Variants in MARCHF1 observed in about 807,000 individuals in gnomAD.
MARCHF1 encodes the protein E3 ubiquitin-protein ligase MARCHF1.
In MARCHF1, 40 loss-of-function variants were observed where a neutral mutation model predicts 54.2. That is an observed-to-expected ratio of 0.74 (90% CI 0.57 to 0.96). MARCHF1 has a LOEUF of 0.96. MARCHF1 is among the 40% of genes least tolerant of loss of function. MARCHF1 has a pLI of 0.00. For synonymous variants in MARCHF1, 236 were observed against 236.3 expected, an observed-to-expected ratio of 1.00 and a Z score of 0.01; for missense variants, 586 against 656.5, an observed-to-expected ratio of 0.89 and a Z score of 1.17.
chr4:163,707,786 TAAAAAAAAA>T (rs777522371), intron 4 of MARCHF1, among the ~76,000 whole-genome samples: 1 of 65,890 alleles, frequency 1.5e-5, no homozygotes, highest in Non-Finnish European at 3.5e-5. Context: ...TGTTTTGAAC[TAAAAAAAAA>T]AAAAAAAAAA....
At chr4:163,939,818 T>C (rs1230031598) in intron 3 of MARCHF1, among the ~76,000 whole-genome samples, 1 of 152,152 alleles carries the variant, frequency 6.6e-6, no homozygotes, top group African/African-American at 2.4e-5. Flanking sequence ...CATGCCGAAC[T>C]ATTAATCCTA....
intron 1 of MARCHF1, among the ~76,000 whole-genome samples, chr4:164,207,011 G>T (rs1172448663): frequency 6.6e-6 from 1 of 152,164 alleles, no homozygotes; most frequent in Middle Eastern, 3.4e-3. Flanking sequence ...AGTAACAGGG[G>T]ATATTGACTG....
chr4:163,612,806 A>C lies in MARCHF1; in HGVS notation c.475T>G (p.Ser159Ala), dbSNP rs1189972307. ...TCATCTGTGGAAGATGAATCTGAAGAATCTGTGTAAAGCTCCCTCCACCTG... is the reference window on the plus strand; with the variant it reads ...TCATCTGTGGAAGATGAATCTGAAGCATCTGTGTAAAGCTCCCTCCACCTG... Reference protein sequence around the residue: ...SPRWRELYTDSSDSSSTDESH... With the variant: ...SPRWRELYTDASDSSSTDESH... The change falls in exon 7 of 10, where the codon TCT becomes GCT. Residue 159 changes from serine to alanine, a missense_variant. Ser to Ala is a moderately conservative substitution (Grantham distance 99, BLOSUM62 1). This residue lies in a region of MARCHF1 where 387 missense variants were observed against 394.6 expected (regional missense o/e 0.98). Coordinates refer to ENST00000514618, the MANE Select transcript of MARCHF1 (RefSeq NM_001394959.1). 1 of 1,535,246 alleles carries C rather than the reference A, an allele frequency of 6.5e-7. No individual in the cohort carries two copies. Among genetic ancestry groups the C allele is most frequent in the African/African-American group, 1.4e-5 (1 of 73,026 alleles).
At chr4:163,929,973 A>ATATATATTATATATAT in intron 3 of MARCHF1, among the ~76,000 whole-genome samples, 2 of 125,380 alleles carry the variant, frequency 1.6e-5, no homozygotes, top group Non-Finnish European at 3.2e-5. Flanking sequence ...AATATATATA[A>ATATATATTATATATAT]TATATATAAT....
At chr4:163,826,732 A>G (rs1748857957) in intron 4 of MARCHF1, among the ~76,000 whole-genome samples, 1 of 152,056 alleles carries the variant, frequency 6.6e-6, no homozygotes, top group Admixed American at 6.6e-5. Flanking sequence ...ACAGAATAAT[A>G]AGAGAGGACT....
chr4:163,980,215 T>G (rs1178095692), intron 3 of MARCHF1, among the ~76,000 whole-genome samples: 1 of 138,878 alleles, frequency 7.2e-6, no homozygotes, highest in Non-Finnish European at 1.5e-5. Flanking sequence ...TAACGCCGCA[T>G]ACCTACAACT....
intron 5 of MARCHF1, among the ~76,000 whole-genome samples, chr4:163,687,624 G>A (rs1348513730): frequency 6.6e-6 from 1 of 152,164 alleles, no homozygotes; most frequent in African/African-American, 2.4e-5. Context: ...GAGCCATTAA[G>A]TCTGTGAATT....
intron 4 of MARCHF1, among the ~76,000 whole-genome samples, chr4:163,746,637 C>A (rs932487342): frequency 2.0e-5 from 3 of 152,156 alleles, no homozygotes; most frequent in African/African-American, 7.2e-5. Context: ...GTATCCTGTT[C>A]GCACACTCTG....
At chr4:163,666,307 T>C (rs1561007299) in intron 5 of MARCHF1, among the ~76,000 whole-genome samples, 2 of 152,120 alleles carry the variant, frequency 1.3e-5, no homozygotes, top group African/African-American at 4.8e-5. Flanking sequence ...ATGAGCTTCA[T>C]CTTGTAGGTG....
chr4:163,626,689 G>A (rs947309034), intron 5 of MARCHF1, among the ~76,000 whole-genome samples: 9 of 152,158 alleles, frequency 5.9e-5, no homozygotes, highest in Non-Finnish European at 8.8e-5. Context: ...AGCATTTTGG[G>A]AGGCCGAGGC....
chr4:163,527,461 C>CTATT lies in MARCHF1; in HGVS notation c.*1283_*1286dup, dbSNP rs1361284153. The CTATT allele has an allele frequency of 6.6e-6, 1 of 151,972 alleles. No individual in the cohort carries two copies. Among genetic ancestry groups the CTATT allele is most frequent in the Non-Finnish European group, 1.5e-5 (1 of 67,926 alleles). 9.4% of individuals were successfully genotyped at this position (151,972 alleles called of 1,614,324 possible). On this transcript the variant is annotated 3_prime_UTR_variant, in exon 10 of 10. Coordinates refer to ENST00000514618, the MANE Select transcript of MARCHF1 (RefSeq NM_001394959.1). ...AACAAAAATAGGTAATTTTATTCCC[C>CTATT]TATTGTAAGTACTTCATAGTAACAA... is the stretch of plus-strand genomic sequence containing the variant.
At chr4:163,740,248 A>G (rs2111354783) in intron 4 of MARCHF1, among the ~76,000 whole-genome samples, 1 of 152,300 alleles carries the variant, frequency 6.6e-6, no homozygotes, top group East Asian at 1.9e-4. Context: ...AGTGTAGGAC[A>G]CATGCTATTC....
intron 1 of MARCHF1, among the ~76,000 whole-genome samples, chr4:164,154,126 C>T (rs901877283): frequency 2.6e-5 from 4 of 152,138 alleles, no homozygotes; most frequent in East Asian, 1.9e-4. Context: ...ACATGTACTT[C>T]TGTGTGTTTT....
chr4:164,080,428 G>A (rs1755070867), intron 2 of MARCHF1, among the ~76,000 whole-genome samples: 2 of 152,086 alleles, frequency 1.3e-5, no homozygotes, highest in African/African-American at 4.8e-5. Context: ...CACGTATCCA[G>A]TTATGTATCT....
intron 1 of MARCHF1, among the ~76,000 whole-genome samples, chr4:164,359,013 T>G (rs1730646204): frequency 6.6e-6 from 1 of 151,348 alleles, no homozygotes; most frequent in Admixed American, 6.6e-5. Flanking sequence ...AAGATCTTTC[T>G]CTTATTACTC....
intron 2 of MARCHF1, among the ~76,000 whole-genome samples, chr4:164,068,261 C>T (rs953681056): frequency 2.6e-5 from 4 of 152,154 alleles, no homozygotes; most frequent in Admixed American, 6.5e-5. Flanking sequence ...CGCTCACTCT[C>T]GGCACCTCCT....
At chr4:164,039,843 C>T (rs1052402830) in intron 2 of MARCHF1, among the ~76,000 whole-genome samples, 3 of 151,588 alleles carry the variant, frequency 2.0e-5, no homozygotes, top group Admixed American at 1.3e-4. Context: ...AGATTTTTAG[C>T]ATGCTGAGTA....
chr4:163,650,252 T>C (rs1742917454), intron 5 of MARCHF1, among the ~76,000 whole-genome samples: 1 of 151,970 alleles, frequency 6.6e-6, no homozygotes. Context: ...CTAATAAACC[T>C]AATGCAACTA....
chr4:164,210,324 A>T (rs1467366740), intron 1 of MARCHF1, among the ~76,000 whole-genome samples: 5 of 152,212 alleles, frequency 3.3e-5, no homozygotes, highest in African/African-American at 1.2e-4. Context: ...ATGGCAGATT[A>T]TATAGAGAAG....
Sources: gnomAD v4.1 joint callset for allele counts (sites outside exome capture counted in the v4.1 genomes callset) on GRCh38, gnomAD v4.1.1 for gene constraint, gnomAD v4.1.1 regional missense constraint, MANE v1.5 for transcripts, NCBI Gene and HGNC (gene_info 2026-07-23, HGNC 2026-07-21) for gene names.